The following JAKMIP3 variants were observed in gnomAD, a reference collection of about 807,000 sequenced individuals.
JAKMIP3 encodes janus kinase and microtubule-interacting protein 3.
In JAKMIP3, 58 loss-of-function variants were observed where a neutral mutation model predicts 118.5. That is an observed-to-expected ratio of 0.49 (90% CI 0.40 to 0.61). The LOEUF (loss-of-function observed/expected upper bound fraction) is 0.61. JAKMIP3 is among the 20% of genes least tolerant of loss of function. JAKMIP3 has a pLI of 0.00. For synonymous variants in JAKMIP3, 486 were observed against 451.2 expected, an observed-to-expected ratio of 1.08 and a Z score of -0.98; for missense variants, 950 against 1,109.0, an observed-to-expected ratio of 0.86 and a Z score of 2.04.
At chr10:132,121,052 A>G (rs2048465476) in intron 3 of JAKMIP3, among the ~76,000 whole-genome samples, 1 of 152,096 alleles carries the variant, frequency 6.6e-6, no homozygotes, top group African/African-American at 2.4e-5. Context: ...CAGGGCTGGG[A>G]CAGAAAAGTG....
chr10:132,167,850 C>T lies in JAKMIP3; in HGVS notation c.*23-103C>T, dbSNP rs574630861. ...CTCACCCCTCGGCCCTCGCCCCTCG[C>T]CCCTCACCCCTCGGCCCTCGCCCCT... On this transcript the variant is annotated intron_variant, in intron 22 of 23. Coordinates refer to ENST00000684848, the MANE Select transcript of JAKMIP3 (RefSeq NM_001323087.2). 4 of 825,266 alleles carry T rather than the reference C, an allele frequency of 4.8e-6. No individual in the cohort carries two copies. In the South Asian group the frequency reaches 6.1e-5, roughly 13 times the overall value. 51.1% of individuals were successfully genotyped at this position (825,266 alleles called of 1,614,324 possible). A position where few individuals can be genotyped will look rare whatever the true frequency, so the allele number is the denominator to read the frequency against.
rs1330868724 is a variant in JAKMIP3, at chr10:132,168,397, C to G, written c.*467C>G. On this transcript the variant is annotated 3_prime_UTR_variant, in exon 23 of 24. Transcript: ENST00000684848. ...AAACAACAGAGGCTTGGCCTGATGA[C>G]AAGATGAAAGCTGGACGGTGACCTT... 2.3e-6 allele frequency: 3 copies of G among 1,289,392 alleles called. No homozygotes were observed. 79.9% of individuals were successfully genotyped at this position (1,289,392 alleles called of 1,614,324 possible). A position where few individuals can be genotyped will look rare whatever the true frequency, so the allele number is the denominator to read the frequency against.
chr10:132,085,211 G>A (rs954189640), intron 1 of JAKMIP3, among the ~76,000 whole-genome samples: 4 of 152,000 alleles, frequency 2.6e-5, no homozygotes, highest in Non-Finnish European at 5.9e-5. Flanking sequence ...GATTTTTTTG[G>A]TTGGTAATTC....
At chr10:132,174,412 C>CCTCCGTGGGCTCAGTGGG (rs1331637033) in intron 23 of JAKMIP3, among the ~76,000 whole-genome samples, 6 of 149,286 alleles carry the variant, frequency 4.0e-5, no homozygotes, top group African/African-American at 1.5e-4. Context: ...GCCTCCGTGG[C>CCTCCGTGGGCTCAGTGGG]CTCCGTGGGC....
At chr10:132,165,238 C>T (rs895770888) in intron 21 of JAKMIP3, among the ~76,000 whole-genome samples, 7 of 152,186 alleles carry the variant, frequency 4.6e-5, no homozygotes, top group Non-Finnish European at 8.8e-5. Flanking sequence ...GTCCCAGCTC[C>T]GTGAGGTGTG....
chr10:132,111,448 C>T (rs895896264), intron 2 of JAKMIP3, among the ~76,000 whole-genome samples: 4 of 152,114 alleles, frequency 2.6e-5, no homozygotes, highest in Non-Finnish European at 4.4e-5. Context: ...GGTGTGACCT[C>T]GAGCGCCGGG....
chr10:132,108,664 T>C lies in JAKMIP3; in HGVS notation c.135+3721T>C, dbSNP rs919551782. On this transcript the variant is annotated intron_variant, in intron 2 of 23. Coordinates refer to ENST00000684848, the MANE Select transcript of JAKMIP3 (RefSeq NM_001323087.2). Reference sequence around the variant, plus strand: ...TCTCCTACCTGGTCCTGTCTCCCACTGGTGCCTCCAAGCCAAACCTGGACC... The same window carrying C: ...TCTCCTACCTGGTCCTGTCTCCCACCGGTGCCTCCAAGCCAAACCTGGACC... Among the ~76,000 whole-genome samples the C allele has an allele frequency of 4.1e-5, 6 of 147,890 alleles. No individual in the cohort carries two copies. The South Asian group carries it at 1.1e-3, about 28-fold the overall frequency.
At chr10:132,041,379 T>C (rs1467728) in intron 1 of JAKMIP3, among the ~76,000 whole-genome samples, 29,544 of 152,052 alleles carry the variant, frequency 0.19, 3,413 homozygotes, top group East Asian at 0.62. Flanking sequence ...ACAGCCAGGG[T>C]GGGGAACCCT....
intron 1 of JAKMIP3, among the ~76,000 whole-genome samples, chr10:132,046,892 G>C (rs758545709): frequency 6.6e-6 from 1 of 152,056 alleles, no homozygotes; most frequent in Non-Finnish European, 1.5e-5. Context: ...GTTACAACTG[G>C]ATTTTTTTTT....
chr10:132,162,171 C>T (rs760109973), intron 19 of JAKMIP3, among the ~76,000 whole-genome samples: 3 of 152,166 alleles, frequency 2.0e-5, no homozygotes, highest in African/African-American at 7.2e-5. Flanking sequence ...CTGGTTCCTC[C>T]TGGGGCAGTG....
chr10:132,068,934 G>A lies in JAKMIP3; in HGVS notation c.-138+2873G>A, dbSNP rs1173338486. Among the ~76,000 whole-genome samples the A allele has an allele frequency of 3.3e-5, 5 of 152,142 alleles. No individual in the cohort carries two copies. In the South Asian group the frequency reaches 6.2e-4, roughly 19 times the overall value. ...AAGTGAAGCCGGAATTCAAACCTAG[G>A]GAAAGTGACTCCGGCCAGCTCAGGA... On this transcript the variant is annotated intron_variant, in intron 1 of 23. Coordinates refer to ENST00000684848, the MANE Select transcript of JAKMIP3 (RefSeq NM_001323087.2).
chr10:132,094,209 G>A (rs1474903777), intron 1 of JAKMIP3, among the ~76,000 whole-genome samples: 1 of 151,922 alleles, frequency 6.6e-6, no homozygotes, highest in Non-Finnish European at 1.5e-5. Flanking sequence ...CCTTTCTCTG[G>A]TGCCTCCTTG....
At chr10:132,171,126 T>C (rs536673951) in intron 23 of JAKMIP3, among the ~76,000 whole-genome samples, 1 of 152,228 alleles carries the variant, frequency 6.6e-6, no homozygotes, top group Non-Finnish European at 1.5e-5. Flanking sequence ...GCAGGCTCCC[T>C]TGGGGGAGGT....
In JAKMIP3 at chr10:132,044,882, G is replaced by A. The variant is rs750060413; in HGVS notation, c.-138+8144G>A. Among the ~76,000 whole-genome samples, 24 of 150,776 alleles carry A rather than the reference G, an allele frequency of 1.6e-4. No individual in the cohort carries two copies. The South Asian group carries it at 3.8e-3, about 24-fold the overall frequency. On this transcript the variant is annotated intron_variant, in intron 1 of 23. Coordinates refer to the JAKMIP3 transcript ENST00000657785. The surrounding 1 kb of genome is among the most constrained non-coding windows in gnomAD (Gnocchi z 5.3). ...CTGAGTAGAATCATGGTATTTGTGC[G>A]TGTGTGTGACTGGCGTGCTTCACCG...
chr10:132,100,395 C>T (rs1473035392), intron 1 of JAKMIP3, among the ~76,000 whole-genome samples: 4 of 152,148 alleles, frequency 2.6e-5, no homozygotes, highest in African/African-American at 7.2e-5. Flanking sequence ...GCTGAGATCT[C>T]CCACTCCCGC....
chr10:132,147,588 TA>T (rs2054887224), intron 13 of JAKMIP3, among the ~76,000 whole-genome samples: 1 of 152,040 alleles, frequency 6.6e-6, no homozygotes, highest in South Asian at 2.1e-4. Context: ...AGAGCCCCGC[TA>T]AGGCCCCCGT....
In JAKMIP3 at chr10:132,117,501, G is replaced by A. The variant is rs746758289; in HGVS notation, c.560G>A (p.Arg187His). ...QADKIKAAEIRSVYHLHQEEI... is the reference protein window; with the variant it reads ...QADKIKAAEIHSVYHLHQEEI... ...GACAAGATCAAGGCCGCAGAGATCC[G>A]CAGCGTGTACCACCTGCACCAGGAG... Residue 187 changes from arginine (R) to histidine (H), a missense_variant, in exon 3 of 24, where the codon CGC becomes CAC. Transcript: ENST00000684848. This position sits in a 1 kb window ranked among gnomAD's most constrained non-coding sequence, Gnocchi z 8.6. 7 of 1,610,530 alleles carry A rather than the reference G, an allele frequency of 4.3e-6. No individual in the cohort carries two copies. The highest frequency in any genetic ancestry group is 2.7e-5 in the African/African-American group (2 of 74,988).
chr10:132,098,080 G>A (rs1246655398), intron 1 of JAKMIP3, among the ~76,000 whole-genome samples: 2 of 149,088 alleles, frequency 1.3e-5, no homozygotes, highest in African/African-American at 5.0e-5. Context: ...CTGTTGTCCA[G>A]GTGGGAGTGC....
upstream of JAKMIP3, among the ~76,000 whole-genome samples, chr10:132,064,533 G>A (rs568790786): frequency 3.0e-3 from 457 of 152,304 alleles, 2 homozygotes; most frequent in Middle Eastern, 6.8e-3. The surrounding 1 kb of genome is among the most constrained non-coding windows in gnomAD (Gnocchi z 4.4). Context: ...CCAGCTCCGG[G>A]ACCTGACAGG....
Sources: gnomAD v4.1 joint callset for allele counts (sites outside exome capture counted in the v4.1 genomes callset) on GRCh38, gnomAD v4.1.1 for gene constraint, Gnocchi (gnomAD v3.1) non-coding constraint, MANE v1.5 for transcripts, NCBI Gene and HGNC (gene_info 2026-07-23, HGNC 2026-07-21) for gene names.